COL13A1: variants seen among roughly 807,000 people sequenced by gnomAD.
The protein encoded by COL13A1 is collagen type XIII alpha 1 chain, also known as collagen alpha-1(XIII) chain.
A neutral mutation model predicts 130.9 loss-of-function variants in COL13A1; 89 were observed. The observed-to-expected ratio is 0.68, with a 90% CI of 0.57 to 0.81. The LOEUF is 0.81. Ranked by LOEUF, COL13A1 falls within the 30% of genes least tolerant of loss-of-function variation. The pLI is 0.00. For missense variants in COL13A1, 879 were observed against 934.6 expected (o/e 0.94, Z 0.78); for synonymous variants, 402 against 341.6 (o/e 1.18, Z -1.95).
At chr10:69,806,175 C>A (rs1004440620) in intron 1 of COL13A1, among the ~76,000 whole-genome samples, 1 of 152,210 alleles carries the variant, frequency 6.6e-6, no homozygotes, top group African/African-American at 2.4e-5. Context: ...GGATCTGGGG[C>A]AGGCAATCTT....
At chr10:69,897,509 C>G in intron 13 of COL13A1, 3 of 1,613,978 alleles carry the variant, frequency 1.9e-6, no homozygotes, top group South Asian at 2.2e-5. Context: ...GCTCTGCGCT[C>G]CAGCCAAATA....
At chr10:69,814,170 G>A (rs1351929266) in intron 1 of COL13A1, among the ~76,000 whole-genome samples, 1 of 152,250 alleles carries the variant, frequency 6.6e-6, no homozygotes, top group African/African-American at 2.4e-5. Context: ...TCAGAGTGCT[G>A]GCACAGGGGC....
chr10:69,889,468 G>A (rs758302728), intron 10 of COL13A1, 28 bp downstream of exon 10: 38 of 1,608,014 alleles, frequency 2.4e-5, no homozygotes, highest in East Asian at 1.1e-4. Context: ...CTGCCTTCCC[G>A]AGATGGGTGG....
intron 1 of COL13A1, among the ~76,000 whole-genome samples, chr10:69,821,821 T>C (rs913622473): frequency 4.6e-5 from 7 of 152,130 alleles, no homozygotes; most frequent in Non-Finnish European, 7.4e-5. Flanking sequence ...TCTCTGATGC[T>C]CCCACCTCTT....
Position 69,812,210 on chromosome 10 carries a change from C to A in COL13A1, c.294+9493C>A, listed in dbSNP as rs760839752. 1.7e-3 allele frequency among the ~76,000 whole-genome samples: 255 copies of A among 152,334 alleles called. 1 individual carries two copies. The highest frequency in any genetic ancestry group is 3.1e-3 in the Non-Finnish European group (210 of 68,034). ...TGCAGCCCTTGTCACTCTCTCCAGCCTCATGGCTCACCTGCCCTTGCTTCT... is the reference window on the plus strand; with the variant it reads ...TGCAGCCCTTGTCACTCTCTCCAGCATCATGGCTCACCTGCCCTTGCTTCT... On this transcript the variant is annotated intron_variant, in intron 1 of 40. Coordinates refer to ENST00000645393, the MANE Select transcript of COL13A1 (RefSeq NM_001368882.1).
At chr10:69,855,555 A>G (rs769205616) in intron 2 of COL13A1, among the ~76,000 whole-genome samples, 33 of 152,208 alleles carry the variant, frequency 2.2e-4, no homozygotes, top group African/African-American at 6.8e-4. Context: ...ATTGCTGTAT[A>G]TGTTGTTAAT....
At chr10:69,909,483 T>C (rs531772766) in intron 17 of COL13A1, among the ~76,000 whole-genome samples, 113 of 152,360 alleles carry the variant, frequency 7.4e-4, no homozygotes, top group Admixed American at 1.4e-3. Context: ...CCACTAGCCT[T>C]GCAAAGCCAA....
intron 35 of COL13A1, among the ~76,000 whole-genome samples, chr10:69,942,023 C>T (rs1342847201): frequency 6.6e-6 from 1 of 152,184 alleles, no homozygotes; most frequent in Non-Finnish European, 1.5e-5. Flanking sequence ...TCAGGGGAGG[C>T]GAGACCTTGC....
At chr10:69,904,739 A>T (rs1266980351) in intron 15 of COL13A1, among the ~76,000 whole-genome samples, 194 bp from the exon 16 acceptor site, 1 of 152,096 alleles carries the variant, frequency 6.6e-6, no homozygotes, top group East Asian at 1.9e-4. Context: ...TAAGCCTGTT[A>T]TCCCCACGTG....
At chr10:69,909,350 G>A (rs1340868009) in intron 17 of COL13A1, among the ~76,000 whole-genome samples, 2 of 152,198 alleles carry the variant, frequency 1.3e-5, no homozygotes, top group African/African-American at 4.8e-5. Flanking sequence ...CTCTTCTCAT[G>A]GAATCTGGAG....
At chr10:69,843,036 A>G (rs2133292598) in intron 2 of COL13A1, among the ~76,000 whole-genome samples, 1 of 152,302 alleles carries the variant, frequency 6.6e-6, no homozygotes, top group African/African-American at 2.4e-5. Context: ...TGCTGAGCCT[A>G]AAGGCCTTCT....
At chr10:69,953,049 C>A in intron 39 of COL13A1, 81 bp downstream of exon 39, 2 of 1,070,148 alleles carry the variant, frequency 1.9e-6, no homozygotes, top group Non-Finnish European at 2.6e-6. Flanking sequence ...GGCAAATAAA[C>A]TAAGATGAGA....
intron 2 of COL13A1, among the ~76,000 whole-genome samples, chr10:69,840,329 G>A (rs1221339751): frequency 6.6e-6 from 1 of 152,142 alleles, no homozygotes; most frequent in Non-Finnish European, 1.5e-5. Flanking sequence ...CGGTGACTCG[G>A]GGTCCTTTAA....
At chr10:69,919,813 G>A (rs2064392814) in intron 21 of COL13A1, 86 bp downstream of exon 21, 1 of 398,524 alleles carries the variant, frequency 2.5e-6, no homozygotes. Context: ...TGGCTGGTGT[G>A]TCGCCTGCAG....
At chr10:69,834,159 T>C (rs1371138662) in intron 2 of COL13A1, among the ~76,000 whole-genome samples, 2 of 152,072 alleles carry the variant, frequency 1.3e-5, no homozygotes, top group Non-Finnish European at 2.9e-5. Flanking sequence ...TCAGCAGACA[T>C]TAGTTCAATT....
intron 33 of COL13A1, 117 bp downstream of exon 33, chr10:69,936,899 G>C: frequency 8.3e-7 from 1 of 1,210,970 alleles, no homozygotes; most frequent in Non-Finnish European, 1.2e-6. Flanking sequence ...CCAGCCAAGG[G>C]GGTCCAGTCA....
At chr10:69,832,767 C>T (rs955513006) in intron 2 of COL13A1, among the ~76,000 whole-genome samples, 4 of 152,176 alleles carry the variant, frequency 2.6e-5, no homozygotes, top group South Asian at 2.1e-4. Flanking sequence ...CGCCCTCCTT[C>T]GCCCCACTCC....
intron 29 of COL13A1, 149 bp downstream of exon 29, chr10:69,930,236 C>A (rs1459152869): frequency 1.0e-5 from 11 of 1,066,674 alleles, no homozygotes; most frequent in Non-Finnish European, 1.5e-5. Context: ...GAGGGGCCCA[C>A]CCTGCAAGCC....
intron 1 of COL13A1, 54 bp from the exon 2 acceptor site, chr10:69,822,315 G>A (rs144911347): frequency 3.4e-4 from 489 of 1,419,462 alleles, no homozygotes; most frequent in Middle Eastern, 2.9e-3. Context: ...CTGCTTTCCA[G>A]GGCTTGGTGT....
Sources: gnomAD v4.1 joint callset for allele counts (sites outside exome capture counted in the v4.1 genomes callset) on GRCh38, gnomAD v4.1.1 for gene constraint, MANE v1.5 for transcripts, NCBI Gene and HGNC (gene_info 2026-07-23, HGNC 2026-07-21) for gene names.